Variants in SPIDR observed in about 807,000 individuals in gnomAD.
SPIDR encodes the protein DNA repair-scaffolding protein.
In SPIDR, 93 loss-of-function variants were observed where a neutral mutation model predicts 104.6. That is an observed-to-expected ratio of 0.89 (90% CI 0.75 to 1.06). The LOEUF is 1.06. SPIDR is among the 50% of genes least tolerant of loss of function. SPIDR has a pLI of 0.00. For missense variants in SPIDR, 1,154 were observed against 1,111.2 expected, an observed-to-expected ratio of 1.04 and a Z score of -0.55; for synonymous variants, 431 against 416.9, an observed-to-expected ratio of 1.03 and a Z score of -0.41.
intron 8 of SPIDR, among the ~76,000 whole-genome samples, chr8:47,489,838 T>A (rs1469926146): frequency 6.6e-6 from 1 of 152,192 alleles, no homozygotes; most frequent in African/African-American, 2.4e-5. Context: ...TTACACCTTA[T>A]ACACCAATTA....
intron 10 of SPIDR, among the ~76,000 whole-genome samples, chr8:47,640,812 G>A (rs2068772694): frequency 7.8e-6 from 1 of 128,734 alleles, no homozygotes; most frequent in Non-Finnish European, 1.6e-5. Flanking sequence ...CAAGTAGCTG[G>A]AACTACAGGT....
intron 16 of SPIDR, among the ~76,000 whole-genome samples, chr8:47,722,629 G>A (rs1290463583): frequency 1.3e-5 from 2 of 152,054 alleles, no homozygotes; most frequent in African/African-American, 4.8e-5. Context: ...GTTAAGATTG[G>A]TAACATTCTG....
At chr8:47,319,833 C>T (rs922918239) in intron 5 of SPIDR, among the ~76,000 whole-genome samples, 15 of 152,112 alleles carry the variant, frequency 9.9e-5, no homozygotes, top group Admixed American at 5.9e-4. Context: ...GAACAACCTG[C>T]TCCTGAATGA....
At position 47,272,277 on chromosome 8, in the gene SPIDR, G is replaced by T. The variant is rs1002999653; in HGVS notation, c.34-7585G>T. ...CCACGTCGCCTGGCCTATAATTTTT[G>T]CTTGAAAACTGGACGTTTTAAATAG... On this transcript the variant is annotated intron_variant, in intron 1 of 19. Transcript: ENST00000297423. Among the ~76,000 whole-genome samples the T allele has an allele frequency of 3.4e-4, 52 of 152,008 alleles. 1 individual carries two copies. The highest frequency in any genetic ancestry group is 3.4e-3 in the Admixed American group (52 of 15,280).
intron 11 of SPIDR, among the ~76,000 whole-genome samples, chr8:47,682,327 A>G (rs2077206839): frequency 6.6e-6 from 1 of 151,586 alleles, no homozygotes; most frequent in Admixed American, 6.6e-5. Context: ...TGAAATGTCC[A>G]GACCAGGCAA....
chr8:47,502,670 T>G (rs1178205117), intron 8 of SPIDR, among the ~76,000 whole-genome samples: 1 of 152,218 alleles, frequency 6.6e-6, no homozygotes, highest in African/African-American at 2.4e-5. Flanking sequence ...ATTTCTTGCC[T>G]TCTGCTAGCT....
chr8:47,351,926 G>A (rs2053572974), intron 5 of SPIDR, among the ~76,000 whole-genome samples: 1 of 152,112 alleles, frequency 6.6e-6, no homozygotes, highest in African/African-American at 2.4e-5. Flanking sequence ...AGGGATAACT[G>A]TATATTATAA....
At chr8:47,718,054 A>G (rs2082817600) in intron 16 of SPIDR, among the ~76,000 whole-genome samples, 1 of 152,204 alleles carries the variant, frequency 6.6e-6, no homozygotes, top group Non-Finnish European at 1.5e-5. Context: ...TGCCAGACAC[A>G]TTGAAGGACT....
chr8:47,513,625 C>G (rs2082690983), intron 8 of SPIDR, among the ~76,000 whole-genome samples: 1 of 152,128 alleles, frequency 6.6e-6, no homozygotes, highest in African/African-American at 2.4e-5. Context: ...TTCCAGAAAT[C>G]TGGAGAAGTG....
intron 8 of SPIDR, among the ~76,000 whole-genome samples, chr8:47,445,040 A>G (rs1032624903): frequency 1.3e-5 from 2 of 152,110 alleles, no homozygotes; most frequent in Admixed American, 1.3e-4. Flanking sequence ...TGACTCCTTG[A>G]TATTGTTAAG....
At chr8:47,661,862 G>A (rs2074166349) in intron 10 of SPIDR, among the ~76,000 whole-genome samples, 1 of 152,220 alleles carries the variant, frequency 6.6e-6, no homozygotes, top group Non-Finnish European at 1.5e-5. Flanking sequence ...TAGTGGCAGA[G>A]CTGGGATCCC....
chr8:47,516,219 C>T (rs1039767779), intron 8 of SPIDR, among the ~76,000 whole-genome samples: 1 of 152,146 alleles, frequency 6.6e-6, no homozygotes, highest in African/African-American at 2.4e-5. Flanking sequence ...GCTGGGATTG[C>T]AGGCATGAAC....
At chr8:47,674,627 T>C (rs1171939269) in intron 11 of SPIDR, among the ~76,000 whole-genome samples, 1 of 152,258 alleles carries the variant, frequency 6.6e-6, no homozygotes, top group Non-Finnish European at 1.5e-5. Flanking sequence ...TTGTTGATGT[T>C]TATATTAAAT....
chr8:47,280,973 G>T (rs1201317941), intron 2 of SPIDR, among the ~76,000 whole-genome samples: 3 of 152,184 alleles, frequency 2.0e-5, no homozygotes, highest in Non-Finnish European at 2.9e-5. Context: ...TGTTTACTCT[G>T]GAGGCGTACT....
intron 6 of SPIDR, among the ~76,000 whole-genome samples, chr8:47,397,105 A>G (rs782324964): frequency 2.0e-5 from 3 of 152,160 alleles, no homozygotes; most frequent in Non-Finnish European, 4.4e-5. Flanking sequence ...AGCAGGAAAG[A>G]TAACGTGAAG....
intron 10 of SPIDR, among the ~76,000 whole-genome samples, chr8:47,611,063 G>A (rs1012169310): frequency 2.0e-5 from 3 of 152,214 alleles, no homozygotes; most frequent in South Asian, 2.1e-4. Flanking sequence ...TGGGTTGATG[G>A]GAAACAGCAA....
Position 47,285,283 on chromosome 8 carries a change from C to T in SPIDR, c.256+1189C>T, listed in dbSNP as rs782245835. Among the ~76,000 whole-genome samples the T allele has an allele frequency of 3.3e-5, 5 of 152,202 alleles. No homozygotes were observed. In the South Asian group the frequency reaches 8.3e-4, roughly 25 times the overall value. Reference sequence around the variant, plus strand: ...TATTTCAAGTGACATGGAAGAGGTTCTATGCAAATGAAAAATAAAATTTGC... The same window carrying T: ...TATTTCAAGTGACATGGAAGAGGTTTTATGCAAATGAAAAATAAAATTTGC... On this transcript the variant is annotated intron_variant, in intron 3 of 19. Transcript: ENST00000297423.
chr8:47,301,577 TG>T (rs1206398440), intron 5 of SPIDR, among the ~76,000 whole-genome samples: 1 of 149,586 alleles, frequency 6.7e-6, no homozygotes, highest in Non-Finnish European at 1.5e-5. Flanking sequence ...TTGCAGTGGC[TG>T]GTACTGGTTG....
At chr8:47,684,944 G>A (rs2077551784) in intron 11 of SPIDR, among the ~76,000 whole-genome samples, 1 of 152,124 alleles carries the variant, frequency 6.6e-6, no homozygotes, top group Non-Finnish European at 1.5e-5. Context: ...CAAATGGGCC[G>A]GGCGCCCATT....
Sources: allele counts gnomAD v4.1 joint callset (sites outside exome capture counted in the v4.1 genomes callset), GRCh38; gene constraint gnomAD v4.1.1; transcripts MANE v1.5; gene names NCBI Gene and HGNC (gene_info 2026-07-23, HGNC 2026-07-21).